Variants in INF2 observed in about 807,000 individuals in gnomAD.
INF2 encodes inverted formin-2.
Under a neutral mutation model 123.5 loss-of-function variants are expected in INF2, and 43 were observed. The ratio of observed to expected loss-of-function variants is 0.35; its 90% confidence interval spans 0.27 to 0.45. The LOEUF (loss-of-function observed/expected upper bound fraction) is 0.45, where lower values mean the gene tolerates loss of function less well. Among genes scored for constraint, INF2 ranks in the 20% least tolerant of loss-of-function variants. The probability of loss-of-function intolerance (pLI) is 1.00; values close to 1 mark genes in which losing one functional copy is unlikely to be tolerated. For missense variants in INF2, 1,453 were observed against 1,682.7 expected, an observed-to-expected ratio of 0.86 and a Z score of 2.39; for synonymous variants, 851 against 745.0, an observed-to-expected ratio of 1.14 and a Z score of -2.32.
intron 1 of INF2, among the ~76,000 whole-genome samples, chr14:104,682,747 G>A (rs77308114): frequency 0.031 from 4,663 of 152,202 alleles, 254 homozygotes; most frequent in African/African-American, 0.11. Context: ...AATGCTCACC[G>A]TGAAACCAAG....
In INF2 at chr14:104,710,114, T is replaced by A; in HGVS notation, c.2165T>A (p.Leu722Gln). 1 of 1,552,998 alleles carries A rather than the reference T, an allele frequency of 6.4e-7. No homozygotes were observed. Among genetic ancestry groups the A allele is most frequent in the Non-Finnish European group, 8.7e-7 (1 of 1,148,766 alleles). Residue 722 changes from leucine (L) to glutamine (Q), a missense_variant, in exon 13 of 23, where the codon CTG becomes CAG. By Grantham distance (113) the Leu-to-Gln change is moderately radical. This residue lies in a region of INF2 where 192 missense variants were observed against 274.4 expected (regional missense o/e 0.70). Transcript: ENST00000392634. ...TACCAGCTGCGAATCGAGTGCATGC[T>A]GCTGTGTGAGGGCGCGGCCGCCGTG... ...PCYQLRIECM[L>Q]LCEGAAAVLD...
upstream of INF2, among the ~76,000 whole-genome samples, chr14:104,688,838 G>T (rs1888776181): frequency 6.6e-6 from 1 of 152,222 alleles, no homozygotes; most frequent in Non-Finnish European, 1.5e-5. Context: ...GCTGGGGTCT[G>T]GCTCTCATCC....
intron 1 of INF2, among the ~76,000 whole-genome samples, chr14:104,698,414 G>A (rs1450389938): frequency 6.6e-6 from 1 of 152,264 alleles, no homozygotes; most frequent in Non-Finnish European, 1.5e-5. Context: ...GCGTTTAGCA[G>A]AGACTCACAG....
At chr14:104,710,731 C>A in intron 13 of INF2, 1 of 592,884 alleles carries the variant, frequency 1.7e-6, no homozygotes, top group African/African-American at 1.9e-5. Context: ...CAGCTCACGT[C>A]TGTCAGGCAC....
chr14:104,691,923 T>TATAC (rs1888972178), intron 1 of INF2, among the ~76,000 whole-genome samples: 5 of 151,792 alleles, frequency 3.3e-5, no homozygotes, highest in Admixed American at 3.3e-4. Flanking sequence ...CCAGTGCCGG[T>TATAC]ATACCCTGGC....
At chr14:104,715,611 G>A (rs895039600) in intron 22 of INF2, 3 of 598,510 alleles carry the variant, frequency 5.0e-6, no homozygotes, top group African/African-American at 3.7e-5. Flanking sequence ...GAGAGGGCAG[G>A]TGGCAGGGCC....
intron 15 of INF2, 37 bp downstream of exon 15, chr14:104,711,223 C>T (rs372300627): frequency 6.7e-7 from 1 of 1,492,378 alleles, no homozygotes; most frequent in Non-Finnish European, 9.1e-7. Flanking sequence ...GGGAGGGCTT[C>T]AAGTCCCCCC....
upstream of INF2, among the ~76,000 whole-genome samples, chr14:104,687,504 A>G (rs925766598): frequency 2.8e-4 from 42 of 150,716 alleles, no homozygotes; most frequent in African/African-American, 1.0e-3. The surrounding 1 kb of genome is among the most constrained non-coding windows in gnomAD (Gnocchi z 5.6). Flanking sequence ...ACAGACACAC[A>G]CTCTTAATCA....
chr14:104,714,086 CTT>C, intron 20 of INF2, 115 bp from the exon 21 acceptor site: 1 of 895,854 alleles, frequency 1.1e-6, no homozygotes, highest in Non-Finnish European at 1.6e-6. Flanking sequence ...TCAGAGGAGG[CTT>C]TCTGGGGAGG....
chr14:104,712,873 A>G lies in INF2; in HGVS notation c.2656A>G (p.Ile886Val), dbSNP rs755478662. The G allele has an allele frequency of 3.1e-6, 5 of 1,612,624 alleles. No homozygotes were observed. In the South Asian group the frequency reaches 5.5e-5, roughly 18 times the overall value. ...GGCACTGGATGAGCTGTTTGAGGCC[A>G]TCGAGCAGAAGCAACGGGAGCTGGC... ...FRALDELFEA[I>V]EQKQRELADY... Residue 886 changes from isoleucine (I) to valine (V), a missense_variant, in exon 18 of 23, where the codon ATC becomes GTC. Physicochemically the swap from Ile to Val is conservative, Grantham distance 29 (BLOSUM62 3). This residue lies in a region of INF2 where 212 missense variants were observed against 266.2 expected (regional missense o/e 0.80). Transcript: ENST00000392634.
chr14:104,700,208 C>T (rs1395803409), intron 1 of INF2, among the ~76,000 whole-genome samples: 1 of 152,206 alleles, frequency 6.6e-6, no homozygotes, highest in Non-Finnish European at 1.5e-5. Flanking sequence ...CATGTGGGAC[C>T]TCCAGTCACA....
At position 104,684,496 on chromosome 14, in the gene INF2, G is replaced by A. The variant is rs945238477; in HGVS notation, c.-104+2914G>A. On this transcript the variant is annotated intron_variant, in intron 1 of 2. Coordinates refer to the INF2 transcript ENST00000674723. The surrounding 1 kb of genome is among the most constrained non-coding windows in gnomAD (Gnocchi z 5.0). ...TGGAGCGAAAGAAGCCAGACACAAA[G>A]GTTGACATTTACACGCAATCCTAGA... The A allele has an allele frequency of 5.4e-6, 1 of 183,730 alleles. No individual in the cohort carries two copies. The highest frequency in any genetic ancestry group is 2.4e-5 in the African/African-American group (1 of 42,220). 11.4% of individuals were successfully genotyped at this position (183,730 alleles called of 1,614,324 possible).
intron 1 of INF2, among the ~76,000 whole-genome samples, chr14:104,682,642 A>G (rs1595144343): frequency 6.6e-6 from 1 of 152,174 alleles, no homozygotes; most frequent in Non-Finnish European, 1.5e-5. Context: ...TGCAGGTCCC[A>G]TCCAGGTGGG....
Position 104,706,120 on chromosome 14 carries a change from T to G in INF2, c.787T>G (p.Ser263Ala), listed in dbSNP as rs1364540701. ...AEDEEELLRV[S>A]GGVDMSSHQE... ...GGACGAGGAGGAGCTGCTGCGAGTC[T>G]CTGGCGGGGTCGACATGAGCAGCCA... is the stretch of plus-strand genomic sequence containing the variant. Residue 263 changes from serine (S) to alanine (A), a missense_variant, in exon 6 of 23, where the codon TCT becomes GCT. Physicochemically the swap from Ser to Ala is moderately conservative, Grantham distance 99. This residue lies in a region of INF2 where 251 missense variants were observed against 349.4 expected (regional missense o/e 0.72). Transcript: ENST00000392634. 5 of 1,610,304 alleles carry G rather than the reference T, an allele frequency of 3.1e-6. No homozygotes were observed. The highest frequency in any genetic ancestry group is 4.2e-6 in the Non-Finnish European group (5 of 1,178,930).
intron 7 of INF2, 28 bp downstream of exon 7, chr14:104,707,079 A>ACTGT: frequency 6.4e-7 from 1 of 1,560,270 alleles, no homozygotes; most frequent in Non-Finnish European, 8.6e-7. Flanking sequence ...GGGCGTAGGC[A>ACTGT]CAGCCTGGTG....
intron 1 of INF2, among the ~76,000 whole-genome samples, chr14:104,694,568 G>A (rs1250971475): frequency 1.3e-5 from 2 of 152,202 alleles, no homozygotes; most frequent in African/African-American, 4.8e-5. Flanking sequence ...GTAAGCTGTG[G>A]GGGTGGCATT....
rs771775245 is a variant in INF2 at position 104,707,456 on chromosome 14, G to A, written c.1189G>A (p.Val397Met). The change falls in exon 8 of 23, where the codon GTG becomes ATG. Residue 397 changes from valine (V) to methionine (M), a missense_variant. Coordinates refer to ENST00000392634, the MANE Select transcript of INF2 (RefSeq NM_022489.4). Reference sequence around the variant, plus strand: ...AGCAGCAGCTGCTGCCTGCGAGCCCGTGGACCACGCCCAGAGTGAGAGCAT... The same window carrying A: ...AGCAGCAGCTGCTGCCTGCGAGCCCATGGACCACGCCCAGAGTGAGAGCAT... Reference protein sequence around the residue: ...QPAAAAACEPVDHAQSESILK... With the variant: ...QPAAAAACEPMDHAQSESILK... 2.0e-5 allele frequency: 31 copies of A among 1,559,988 alleles called. No homozygotes were observed. Among genetic ancestry groups the A allele is most frequent in the Middle Eastern group, 1.7e-4 (1 of 6,030 alleles).
In INF2 at chr14:104,712,541, C is replaced by G. The variant is rs552110857; in HGVS notation, c.2598C>G (p.Thr866=). The change falls in exon 17 of 23, where the codon ACC becomes ACG. Residue 866 remains threonine (T), a synonymous_variant. Transcript: ENST00000392634. ...TGGCCGAGGTCCAGGAGCAGTACAC[C>G]GAGCGCCTCCAGGCAAGTGGGCACC... ...ASVAEVQEQY[T]ERLQASISAF... is the part of the protein sequence containing the mutation. The G allele has an allele frequency of 1.9e-6, 3 of 1,612,610 alleles. No individual in the cohort carries two copies. Among genetic ancestry groups the G allele is most frequent in the Non-Finnish European group, 2.5e-6 (3 of 1,179,790 alleles).
rs990451410 is a variant in INF2 at position 104,721,895 on chromosome 14, T to C, written c.*3102T>C. 6.6e-6 allele frequency: 1 copy of C among 152,458 alleles called. No homozygotes were observed. The highest frequency in any genetic ancestry group is 2.4e-5 in the African/African-American group (1 of 41,460). 9.4% of individuals were successfully genotyped at this position (152,458 alleles called of 1,614,324 possible). ...GGGTGCCTTGCATGGCGAGGCTCCG[T>C]GGCTGCACGCGTGTATGCAGGTGGC... On this transcript the variant is annotated 3_prime_UTR_variant, in exon 23 of 23. Transcript: ENST00000392634.
Sources: allele counts gnomAD v4.1 joint callset (sites outside exome capture counted in the v4.1 genomes callset), GRCh38; gene constraint gnomAD v4.1.1; regional missense constraint gnomAD v4.1.1; non-coding constraint Gnocchi (gnomAD v3.1); transcripts MANE v1.5; gene names NCBI Gene and HGNC (gene_info 2026-07-23, HGNC 2026-07-21).